UGT1A8: variants seen among roughly 807,000 people sequenced by gnomAD.
UGT1A8 encodes the protein UDP-glucuronosyltransferase 1A8.
A neutral mutation model predicts 45.3 loss-of-function variants in UGT1A8; 39 were observed. That is an observed-to-expected ratio of 0.86 (90% CI 0.67 to 1.12). The LOEUF (loss-of-function observed/expected upper bound fraction) is 1.12. Among genes scored for constraint, UGT1A8 ranks in the 50% most tolerant of loss-of-function variants. UGT1A8 has a pLI of 0.00. For synonymous variants in UGT1A8, 275 were observed against 249.2 expected (o/e 1.10, Z -0.97); for missense variants, 719 against 664.9 (o/e 1.08, Z -0.90).
intron 1 of UGT1A8, chr2:233,729,586 G>T (rs138085546): frequency 2.5e-6 from 4 of 1,614,044 alleles, no homozygotes; most frequent in Non-Finnish European, 2.5e-6. Flanking sequence ...AACAGACCCC[G>T]TTAACCTCTG....
At position 233,772,427 on chromosome 2, in the gene UGT1A8, C is replaced by A; in HGVS notation, c.1461C>A (p.Asp487Glu). The A allele has an allele frequency of 1.2e-6, 2 of 1,614,222 alleles. No individual in the cohort carries two copies. The highest frequency in any genetic ancestry group is 1.7e-6 in the Non-Finnish European group (2 of 1,180,048). ...CCTGGTACCAGTACCATTCCTTGGA[C>A]GTGATTGGTTTCCTCTTGGCCGTCG... is the stretch of plus-strand genomic sequence containing the variant. ...DLTWYQYHSL[D>E]VIGFLLAVVL... Residue 487 changes from aspartate to glutamate, a missense_variant, in exon 5 of 5, where the codon GAC becomes GAA. Physicochemically the swap from Asp to Glu is conservative, Grantham distance 45 (BLOSUM62 2). Transcript: ENST00000373450.
intron 1 of UGT1A8, among the ~76,000 whole-genome samples, chr2:233,652,771 C>A (rs142941845): frequency 8.9e-4 from 135 of 152,242 alleles, no homozygotes; most frequent in Admixed American, 2.8e-3. Context: ...TATCCACATG[C>A]AAAAGAATGA....
At chr2:233,757,745 C>T (rs1696711859) in intron 1 of UGT1A8, among the ~76,000 whole-genome samples, 1 of 151,332 alleles carries the variant, frequency 6.6e-6, no homozygotes. Context: ...GGGCACTGGA[C>T]ATGTTTATGT....
At chr2:233,698,967 G>A (rs771951485) in intron 1 of UGT1A8, among the ~76,000 whole-genome samples, 2 of 152,206 alleles carry the variant, frequency 1.3e-5, no homozygotes, top group Non-Finnish European at 2.9e-5. Context: ...CCTTGGGGAA[G>A]CCCTTTGGCC....
At chr2:233,695,130 C>CTTTCTTTTTTTTTTTTTTTTTTTT (rs1364557158) in intron 1 of UGT1A8, among the ~76,000 whole-genome samples, 2 of 138,840 alleles carry the variant, frequency 1.4e-5, no homozygotes, top group Middle Eastern at 3.4e-3. Flanking sequence ...CTTTTCTTTT[C>CTTTCTTTTTTTTTTTTTTTTTTTT]TTTTTTTTTT....
chr2:233,664,041 C>CA (rs2074028286), intron 1 of UGT1A8, among the ~76,000 whole-genome samples: 2 of 152,148 alleles, frequency 1.3e-5, no homozygotes, highest in South Asian at 4.1e-4. Flanking sequence ...TACCCTAGGT[C>CA]ATCACTCTCA....
intron 1 of UGT1A8, among the ~76,000 whole-genome samples, chr2:233,643,465 C>G (rs567716288): frequency 7.9e-5 from 12 of 152,066 alleles, no homozygotes; most frequent in Non-Finnish European, 1.5e-4. Context: ...CCCCTCTATC[C>G]CAGGGGAGCT....
At chr2:233,735,872 G>C (rs1314533195) in intron 1 of UGT1A8, among the ~76,000 whole-genome samples, 1 of 152,196 alleles carries the variant, frequency 6.6e-6, no homozygotes, top group Non-Finnish European at 1.5e-5. Context: ...TTTCTGCAGA[G>C]AGATCTGCTG....
At chr2:233,708,468 C>T (rs1383966738) in intron 1 of UGT1A8, 1 of 152,162 alleles carries the variant, frequency 6.6e-6, no homozygotes, top group African/African-American at 2.4e-5. Context: ...ATTGATGCAA[C>T]TGGCTGAGCG....
intron 1 of UGT1A8, among the ~76,000 whole-genome samples, chr2:233,709,752 A>G (rs1448990016): frequency 1.3e-5 from 2 of 152,332 alleles, no homozygotes; most frequent in South Asian, 4.1e-4. Context: ...AATAAACATT[A>G]TTGGAGTATT....
At chr2:233,718,654 G>A in intron 1 of UGT1A8, 1 of 1,516,140 alleles carries the variant, frequency 6.6e-7, no homozygotes, top group African/African-American at 1.4e-5. Context: ...CATAACGAAA[G>A]GCAGTTATAG....
Position 233,760,610 on chromosome 2 carries a change from G to A in UGT1A8, c.856-6424G>A. 5 of 1,614,182 alleles carry A rather than the reference G, an allele frequency of 3.1e-6. No homozygotes were observed. Among genetic ancestry groups the A allele is most frequent in the Non-Finnish European group, 3.4e-6 (4 of 1,180,034 alleles). The stretch of plus-strand genomic sequence containing the variant: ...TTTGAGAATGATTCTTTCCTGCAGC[G>A]TGTGATCAAAACATACAAGAAAATA... On this transcript the variant is annotated intron_variant, in intron 1 of 4. Coordinates refer to ENST00000373450, the MANE Select transcript of UGT1A8 (RefSeq NM_019076.5).
chr2:233,658,647 T>C (rs2073904177), intron 1 of UGT1A8, among the ~76,000 whole-genome samples: 1 of 152,186 alleles, frequency 6.6e-6, no homozygotes, highest in Non-Finnish European at 1.5e-5. Context: ...TAGACTGGGG[T>C]TATAGGTTTT....
intron 1 of UGT1A8, among the ~76,000 whole-genome samples, chr2:233,642,894 CTCTCTCTCTCTG>C (rs1221303140): frequency 7.2e-5 from 11 of 152,174 alleles, no homozygotes; most frequent in African/African-American, 2.2e-4. Flanking sequence ...CTCACTCTCT[CTCTCTCTCTCTG>C]TCTCTCTCTC....
chr2:233,760,983 C>T (rs752251675), intron 1 of UGT1A8: 4 of 1,614,060 alleles, frequency 2.5e-6, no homozygotes, highest in Non-Finnish European at 8.5e-7. Flanking sequence ...CGTATGCAAC[C>T]CTTGCCTCAG....
rs45516494 is a variant in UGT1A8 at position 233,719,303 on chromosome 2, G to A, written c.856-47731G>A. 3.5e-4 allele frequency: 567 copies of A among 1,613,968 alleles called. 2 individuals carry two copies. In the African/African-American group the frequency reaches 6.9e-3, roughly 20 times the overall value. ...CCGTTAACCTCTGTGGGGCGGTGCTGGCTAAGTACCTGTCGATTCCTGCTG... is the reference window on the plus strand; with the variant it reads ...CCGTTAACCTCTGTGGGGCGGTGCTAGCTAAGTACCTGTCGATTCCTGCTG... On this transcript the variant is annotated intron_variant, in intron 1 of 4. Transcript: ENST00000373450.
chr2:233,713,508 T>C, intron 1 of UGT1A8: 2 of 1,613,988 alleles, frequency 1.2e-6, no homozygotes, highest in South Asian at 2.2e-5. Context: ...TGTGTTTTTC[T>C]TGAGGAACAT....
chr2:233,685,046 A>G (rs2125530867), intron 1 of UGT1A8, among the ~76,000 whole-genome samples: 1 of 151,978 alleles, frequency 6.6e-6, no homozygotes, highest in Non-Finnish European at 1.5e-5. Context: ...TTTGTGTGCA[A>G]TGTCTTAAGC....
intron 1 of UGT1A8, among the ~76,000 whole-genome samples, chr2:233,742,394 T>C (rs553013500): frequency 6.6e-6 from 1 of 152,130 alleles, no homozygotes; most frequent in South Asian, 2.1e-4. Flanking sequence ...GCTCATGTTA[T>C]TATTTGTAGT....
Sources: allele counts gnomAD v4.1 joint callset (sites outside exome capture counted in the v4.1 genomes callset), GRCh38; gene constraint gnomAD v4.1.1; transcripts MANE v1.5; gene names NCBI Gene and HGNC (gene_info 2026-07-23, HGNC 2026-07-21).